Variants in WNT2B observed in about 807,000 individuals in gnomAD.
WNT2B encodes protein Wnt-2b.
Under a neutral mutation model 40.5 loss-of-function variants are expected in WNT2B, and 19 were observed. That is an observed-to-expected ratio of 0.47 (90% CI 0.33 to 0.69). WNT2B has a LOEUF of 0.69. Ranked by LOEUF, WNT2B falls within the 30% of genes least tolerant of loss-of-function variation. The probability of loss-of-function intolerance (pLI) is 0.02; values close to 1 mark genes in which losing one functional copy is unlikely to be tolerated. For synonymous variants in WNT2B, 220 were observed against 211.9 expected (o/e 1.04, Z -0.33); for missense variants, 467 against 556.4 (o/e 0.84, Z 1.62).
At chr1:112,485,174 C>T (rs976109107) in intron 1 of WNT2B, among the ~76,000 whole-genome samples, 1 of 152,184 alleles carries the variant, frequency 6.6e-6, no homozygotes, top group Non-Finnish European at 1.5e-5. Context: ...TTATAGTCGT[C>T]AGGCCTGGGG....
At chr1:112,499,434 A>G (rs1189679280) in intron 1 of WNT2B, among the ~76,000 whole-genome samples, 1 of 152,250 alleles carries the variant, frequency 6.6e-6, no homozygotes, top group African/African-American at 2.4e-5. Flanking sequence ...CCAATAATGT[A>G]TAAAAAGAAT....
At position 112,526,357 on chromosome 1, in the gene WNT2B, T is replaced by TAA. The variant is rs1158813214; in HGVS notation, c.*5852_*5853dup. 4.9e-6 allele frequency: 2 copies of TAA among 409,314 alleles called. No homozygotes were observed. Among genetic ancestry groups the TAA allele is most frequent in the Non-Finnish European group, 8.8e-6 (2 of 228,210 alleles). The allele number at this position is 409,314 out of a possible 1,614,324, so 25.4% of individuals were successfully genotyped here. A position where few individuals can be genotyped will look rare whatever the true frequency, so the allele number is the denominator to read the frequency against. On this transcript the variant is annotated 3_prime_UTR_variant, in exon 5 of 5. Transcript: ENST00000369684. ...CCTTTTTTCCCCTTCAGATTAACATTAAAAATTTTATCTAGTCCTTTTGAA... is the reference window on the plus strand; with the variant it reads ...CCTTTTTTCCCCTTCAGATTAACATTAAAAAAATTTTATCTAGTCCTTTTGAA...
intron 1 of WNT2B, among the ~76,000 whole-genome samples, chr1:112,485,161 A>C (rs1651372755): frequency 1.3e-5 from 2 of 152,194 alleles, no homozygotes; most frequent in Non-Finnish European, 2.9e-5. Flanking sequence ...GCTTTTTATA[A>C]AGTTATAGTC....
At chr1:112,469,005 T>C (rs1166311782) in intron 1 of WNT2B, among the ~76,000 whole-genome samples, 2 of 152,232 alleles carry the variant, frequency 1.3e-5, no homozygotes, top group African/African-American at 4.8e-5. Context: ...AGGAATCCAG[T>C]TGCATTCTTG....
intron 1 of WNT2B, chr1:112,490,986 C>A (rs779001066): frequency 6.2e-7 from 1 of 1,607,980 alleles, no homozygotes; most frequent in Admixed American, 1.7e-5. Context: ...TGTTAAATTG[C>A]GCCTGTGTTT....
At chr1:112,494,668 A>C (rs1651711464) in intron 1 of WNT2B, among the ~76,000 whole-genome samples, 1 of 151,690 alleles carries the variant, frequency 6.6e-6, no homozygotes, top group South Asian at 2.1e-4. Context: ...ATTATCCTTT[A>C]AAAATGAAGG....
rs1652508524 is a variant in WNT2B, at chr1:112,515,744, G to A, written c.404-396G>A. 6.6e-6 allele frequency among the ~76,000 whole-genome samples: 1 copy of A among 152,188 alleles called. No individual in the cohort carries two copies. Among genetic ancestry groups the A allele is most frequent in the Non-Finnish European group, 1.5e-5 (1 of 68,034 alleles). On this transcript the variant is annotated intron_variant, in intron 2 of 4. Coordinates refer to ENST00000369684, the MANE Select transcript of WNT2B (RefSeq NM_024494.3). The surrounding 1 kb of genome is among the most constrained non-coding windows in gnomAD (Gnocchi z 4.4). ...CTGGGCTGGGGTCTCCATTGTGGGG[G>A]AACTGTCCAGCAGAGTGGGCCTGAA...
chr1:112,512,216 G>GT (rs1285921917), intron 1 of WNT2B, among the ~76,000 whole-genome samples: 1 of 152,216 alleles, frequency 6.6e-6, no homozygotes, highest in East Asian at 1.9e-4. Flanking sequence ...GGAGAAGGGA[G>GT]TTGGGGATAA....
intron 1 of WNT2B, among the ~76,000 whole-genome samples, chr1:112,483,699 T>G (rs922426201): frequency 6.8e-6 from 1 of 147,972 alleles, no homozygotes. Flanking sequence ...GTCTAAGGAA[T>G]GGGAGAAAAT....
At chr1:112,484,282 TATATATATAC>T (rs1651341090) in intron 1 of WNT2B, among the ~76,000 whole-genome samples, 3 of 115,406 alleles carry the variant, frequency 2.6e-5, no homozygotes, top group Admixed American at 8.8e-5. Context: ...CATATATATA[TATATATATAC>T]ACACACATAT....
chr1:112,520,210 A>G, intron 4 of WNT2B, 70 bp from the exon 5 acceptor site: 1 of 1,428,622 alleles, frequency 7.0e-7, no homozygotes, highest in African/African-American at 1.4e-5. Flanking sequence ...CCTTCTGAGA[A>G]TGTGGTTAAG....
chr1:112,479,773 G>A (rs146763821), intron 1 of WNT2B, among the ~76,000 whole-genome samples: 2,588 of 151,850 alleles, frequency 0.017, 39 homozygotes, highest in Non-Finnish European at 0.026. Context: ...GCGCAGTGTC[G>A]CATCTCTGCT....
At position 112,509,805 on chromosome 1, in the gene WNT2B, G is replaced by T. The variant is rs913424312; in HGVS notation, c.182+361G>T. Among the ~76,000 whole-genome samples the T allele has an allele frequency of 6.6e-6, 1 of 152,150 alleles. No individual in the cohort carries two copies. Among genetic ancestry groups the T allele is most frequent in the Non-Finnish European group, 1.5e-5 (1 of 68,036 alleles). On this transcript the variant is annotated intron_variant, in intron 1 of 4. Coordinates refer to ENST00000369684, the MANE Select transcript of WNT2B (RefSeq NM_024494.3). This position sits in a 1 kb window ranked among gnomAD's most constrained non-coding sequence, Gnocchi z 4.2. Reference sequence around the variant, plus strand: ...GAATAACCTTCCAGGGCCCGCAATAGCTTCGCCAGGGCCCCAATCGCCTAA... The same window carrying T: ...GAATAACCTTCCAGGGCCCGCAATATCTTCGCCAGGGCCCCAATCGCCTAA...
Position 112,525,917 on chromosome 1 carries a change from C to T in WNT2B, c.*5408C>T. 4 of 1,538,752 alleles carry T rather than the reference C, an allele frequency of 2.6e-6. No homozygotes were observed. The highest frequency in any genetic ancestry group is 3.5e-6 in the Non-Finnish European group (4 of 1,135,276). ...AATGCTTTAGCATATATGTAATCCTCACAACAACCCTGTGAGGTAGGGGTT... is the reference window on the plus strand; with the variant it reads ...AATGCTTTAGCATATATGTAATCCTTACAACAACCCTGTGAGGTAGGGGTT... On this transcript the variant is annotated 3_prime_UTR_variant, in exon 5 of 5. Transcript: ENST00000369684.
At chr1:112,489,041 T>C (rs1651511325) in intron 1 of WNT2B, among the ~76,000 whole-genome samples, 1 of 152,034 alleles carries the variant, frequency 6.6e-6, no homozygotes, top group South Asian at 2.1e-4. Flanking sequence ...CCAGATAAAT[T>C]TGCACTCTTA....
rs1306902042 is a variant in WNT2B at position 112,525,825 on chromosome 1, T to C, written c.*5316T>C. The C allele has an allele frequency of 4.3e-6, 3 of 699,124 alleles. No individual in the cohort carries two copies. Among genetic ancestry groups the C allele is most frequent in the Non-Finnish European group, 6.5e-6 (3 of 460,122 alleles). The allele number at this position is 699,124 out of a possible 1,614,324, so 43.3% of individuals were successfully genotyped here. ...GACAATTTCATCTACAGTTGTCCTT[T>C]TTGACAGCTTCCAAGGGGGGTTTGC... On this transcript the variant is annotated 3_prime_UTR_variant, in exon 5 of 5. Transcript: ENST00000369684.
At chr1:112,512,523 T>C (rs1457529497) in intron 1 of WNT2B, among the ~76,000 whole-genome samples, 1 of 152,202 alleles carries the variant, frequency 6.6e-6, no homozygotes, top group African/African-American at 2.4e-5. Flanking sequence ...TGCCTCACTT[T>C]GTCAAATGAA....
chr1:112,486,154 C>T lies in WNT2B; in HGVS notation c.-95+18563C>T, dbSNP rs140028766. Among the ~76,000 whole-genome samples the T allele has an allele frequency of 1.7e-3, 262 of 151,928 alleles. 2 individuals are homozygous for T. The highest frequency in any genetic ancestry group is 6.1e-3 in the African/African-American group (251 of 41,436). On this transcript the variant is annotated intron_variant, in intron 1 of 4. Coordinates refer to the WNT2B transcript ENST00000256640. ...TTTAACACACACACACACACACACACACACCAGGCTGGGTGCTGTGGCTCA... is the reference window on the plus strand; with the variant it reads ...TTTAACACACACACACACACACACATACACCAGGCTGGGTGCTGTGGCTCA...
At position 112,516,394 on chromosome 1, in the gene WNT2B, C is replaced by T; in HGVS notation, c.658C>T (p.His220Tyr). ...LKDARALMNL[H>Y]NNRCGRTAVR... ...GGATGCCCGGGCCCTCATGAACTTA[C>T]ATAATAACCGCTGTGGTCGCACGGT... The change falls in exon 3 of 5, where the codon CAT becomes TAT. Residue 220 changes from histidine (H) to tyrosine (Y), a missense_variant. His to Tyr is a moderately conservative substitution (Grantham distance 83, BLOSUM62 2). This residue lies in a region of WNT2B where 330 missense variants were observed against 438.6 expected (regional missense o/e 0.75). Coordinates refer to ENST00000369684, the MANE Select transcript of WNT2B (RefSeq NM_024494.3). 1 of 1,613,458 alleles carries T rather than the reference C, an allele frequency of 6.2e-7. No homozygotes were observed. The highest frequency in any genetic ancestry group is 1.1e-5 in the South Asian group (1 of 90,994).
Sources: allele counts gnomAD v4.1 joint callset (sites outside exome capture counted in the v4.1 genomes callset), GRCh38; gene constraint gnomAD v4.1.1; regional missense constraint gnomAD v4.1.1; non-coding constraint Gnocchi (gnomAD v3.1); transcripts MANE v1.5; gene names NCBI Gene and HGNC (gene_info 2026-07-23, HGNC 2026-07-21).